Variants in EPHA4 observed in about 807,000 individuals in gnomAD.
EPHA4 encodes EPH receptor A4, also known as ephrin type-A receptor 4.
A neutral mutation model predicts 108.3 loss-of-function variants in EPHA4; 19 were observed. The ratio of observed to expected loss-of-function variants is 0.18; its 90% CI spans 0.12 to 0.26. The LOEUF (loss-of-function observed/expected upper bound fraction) is 0.26. EPHA4 is among the 10% of genes least tolerant of loss of function. The probability of loss-of-function intolerance (pLI) is 1.00; values close to 1 mark genes in which losing one functional copy is unlikely to be tolerated. For missense variants in EPHA4, 917 were observed against 1,254.0 expected (o/e 0.73, Z 4.06); for synonymous variants, 449 against 455.5 (o/e 0.99, Z 0.18).
At chr2:221,429,204 A>C (rs1689999752) in intron 15 of EPHA4, among the ~76,000 whole-genome samples, 1 of 152,194 alleles carries the variant, frequency 6.6e-6, no homozygotes, top group Non-Finnish European at 1.5e-5. Flanking sequence ...GAGACTACTG[A>C]TATGTAGGTA....
chr2:221,550,881 A>G (rs1694139848), intron 3 of EPHA4, among the ~76,000 whole-genome samples: 2 of 152,104 alleles, frequency 1.3e-5, no homozygotes, highest in South Asian at 4.1e-4. Context: ...CATAAATACA[A>G]AATACAACAA....
chr2:221,426,746 T>A, intron 15 of EPHA4, 127 bp from the exon 16 acceptor site: 1 of 829,986 alleles, frequency 1.2e-6, no homozygotes, highest in Non-Finnish European at 1.9e-6. Flanking sequence ...AATGGAACAA[T>A]TGTTGTTAAA....
At chr2:221,433,015 G>C (rs988828057) in intron 14 of EPHA4, among the ~76,000 whole-genome samples, 2 of 151,688 alleles carry the variant, frequency 1.3e-5, no homozygotes, top group Non-Finnish European at 2.9e-5. Flanking sequence ...TAGTAGAGAC[G>C]GGGTTTCACC....
In EPHA4 at chr2:221,464,875, CTTGA is replaced by C. The variant is rs533365933; in HGVS notation, c.1319-6889_1319-6886del. ...ACCGGCAAAAGGTACAGAAAAACAACTTGATTATTCTGAAATTGACATTGATTTT... is the reference window on the plus strand; with the variant it reads ...ACCGGCAAAAGGTACAGAAAAACAACTTATTCTGAAATTGACATTGATTTT... On this transcript the variant is annotated intron_variant, in intron 5 of 17. Coordinates refer to ENST00000281821, the MANE Select transcript of EPHA4 (RefSeq NM_004438.5). Among the ~76,000 whole-genome samples, 27 of 152,224 alleles carry C rather than the reference CTTGA, an allele frequency of 1.8e-4. 1 individual carries two copies. The East Asian group carries it at 5.2e-3, about 29-fold the overall frequency.
chr2:221,535,961 C>G (rs927168932), intron 3 of EPHA4, among the ~76,000 whole-genome samples: 1 of 152,174 alleles, frequency 6.6e-6, no homozygotes, highest in African/African-American at 2.4e-5. Flanking sequence ...ACCTACCTAC[C>G]CAGTCTCTTC....
In EPHA4 at chr2:221,419,942, C is replaced by T. The variant is rs954976021; in HGVS notation, c.*1430G>A. 2.0e-5 allele frequency: 3 copies of T among 152,692 alleles called. No homozygotes were observed. The highest frequency in any genetic ancestry group is 1.9e-4 in the East Asian group (1 of 5,196). 9.5% of individuals were successfully genotyped at this position (152,692 alleles called of 1,614,324 possible). A position where few individuals can be genotyped will look rare whatever the true frequency, so the allele number is the denominator to read the frequency against. ...ATGAGGCTACGCACATACACACACC[C>T]GCACACAGACAGGCACGCATACAGA... is the stretch of plus-strand genomic sequence containing the variant. On this transcript the variant is annotated 3_prime_UTR_variant, in exon 18 of 18. Transcript: ENST00000281821.
chr2:221,430,007 G>A lies in EPHA4; in HGVS notation c.2641C>T (p.Leu881Phe), dbSNP rs777306913. 2.5e-6 allele frequency: 4 copies of A among 1,613,970 alleles called. No homozygotes were observed. Among genetic ancestry groups the A allele is most frequent in the Non-Finnish European group, 3.4e-6 (4 of 1,179,964 alleles). Reference protein sequence around the residue: ...FGQIVNMLDKLIRNPNSLKRT... With the variant: ...FGQIVNMLDKFIRNPNSLKRT... Reference sequence around the variant, plus strand: ...TTCAAGCTGTTGGGGTTGCGGATGAGTTTGTCCAACATGTTGACAATCTGC... The same window carrying A: ...TTCAAGCTGTTGGGGTTGCGGATGAATTTGTCCAACATGTTGACAATCTGC... The change falls in exon 15 of 18, where the codon CTC becomes TTC. Residue 881 changes from leucine to phenylalanine, a missense_variant. Transcript: ENST00000281821.
chr2:221,450,980 G>A (rs1194366598), intron 8 of EPHA4, among the ~76,000 whole-genome samples: 1 of 152,162 alleles, frequency 6.6e-6, no homozygotes, highest in Admixed American at 6.5e-5. Flanking sequence ...CTGGGAGGCC[G>A]AGGTGGGCAG....
intron 5 of EPHA4, among the ~76,000 whole-genome samples, chr2:221,479,795 T>C (rs1473120745): frequency 6.6e-6 from 1 of 152,198 alleles, no homozygotes; most frequent in African/African-American, 2.4e-5. Flanking sequence ...CTCTACTAAG[T>C]GAAAGCTTTC....
At chr2:221,453,942 C>T (rs557410065) in intron 8 of EPHA4, among the ~76,000 whole-genome samples, 8 of 151,996 alleles carry the variant, frequency 5.3e-5, no homozygotes, top group South Asian at 4.2e-4. Flanking sequence ...TTTGGGAGGC[C>T]GAGGCAGGCG....
At chr2:221,494,451 A>G (rs1026987260) in intron 4 of EPHA4, among the ~76,000 whole-genome samples, 3 of 152,132 alleles carry the variant, frequency 2.0e-5, no homozygotes, top group Non-Finnish European at 4.4e-5. Flanking sequence ...TAAAAATACA[A>G]AAATATTAGC....
intron 5 of EPHA4, among the ~76,000 whole-genome samples, chr2:221,476,549 T>C (rs762417755): frequency 3.9e-4 from 60 of 152,222 alleles, no homozygotes; most frequent in Non-Finnish European, 5.4e-4. Context: ...ATTTGTAATT[T>C]TGTAGGGTTT....
At chr2:221,459,961 T>C (rs984022114) in intron 5 of EPHA4, among the ~76,000 whole-genome samples, 2 of 152,176 alleles carry the variant, frequency 1.3e-5, no homozygotes, top group Admixed American at 6.5e-5. Context: ...AGTGCACTGA[T>C]GAACTAAGAC....
intron 4 of EPHA4, among the ~76,000 whole-genome samples, chr2:221,494,709 C>T (rs1054847932): frequency 6.6e-6 from 1 of 152,130 alleles, no homozygotes; most frequent in Non-Finnish European, 1.5e-5. Flanking sequence ...ATTGAACAAG[C>T]AAGTACATGA....
In EPHA4 at chr2:221,566,929, A is replaced by AAG. The variant is rs1559297262; in HGVS notation, c.159+1787_159+1788dup. 1.6e-4 allele frequency among the ~76,000 whole-genome samples: 10 copies of AAG among 61,966 alleles called. 4 individuals are homozygous for AAG. Among genetic ancestry groups the AAG allele is most frequent in the African/African-American group, 9.1e-4 (10 of 10,962 alleles). 40.7% of individuals were successfully genotyped at this position (61,966 alleles called of 152,430 possible). A position where few individuals can be genotyped will look rare whatever the true frequency, so the allele number is the denominator to read the frequency against. On this transcript the variant is annotated intron_variant, in intron 2 of 17. Transcript: ENST00000281821. Reference sequence around the variant, plus strand: ...GAAGGAGAAGGAGAAGGAGAAGGAGAAGGAGAAGGAGAAGGAGAAGGAGAA... The same window carrying AAG: ...GAAGGAGAAGGAGAAGGAGAAGGAGAAGAGGAGAAGGAGAAGGAGAAGGAGAA...
intron 17 of EPHA4, among the ~76,000 whole-genome samples, chr2:221,423,503 A>C (rs890038320): frequency 6.6e-6 from 1 of 152,176 alleles, no homozygotes; most frequent in Non-Finnish European, 1.5e-5. Context: ...CCTTGACTCT[A>C]ATATATGCAT....
chr2:221,456,895 A>G, intron 6 of EPHA4, 123 bp from the exon 7 acceptor site: 1 of 994,668 alleles, frequency 1.0e-6, no homozygotes, highest in Non-Finnish European at 1.5e-6. Context: ...GGAGATGAAT[A>G]AACTCTCTGG....
chr2:221,537,518 G>A (rs2106187988), intron 3 of EPHA4, among the ~76,000 whole-genome samples: 1 of 152,332 alleles, frequency 6.6e-6, no homozygotes, highest in East Asian at 1.9e-4. Flanking sequence ...CTGGCACAGT[G>A]GCTCACATCT....
At chr2:221,448,953 A>C (rs936394313) in intron 8 of EPHA4, among the ~76,000 whole-genome samples, 1 of 152,218 alleles carries the variant, frequency 6.6e-6, no homozygotes, top group African/African-American at 2.4e-5. Flanking sequence ...AAGCCAGAGG[A>C]AATACAAAAT....
Sources: gnomAD v4.1 joint callset for allele counts (sites outside exome capture counted in the v4.1 genomes callset) on GRCh38, gnomAD v4.1.1 for gene constraint, MANE v1.5 for transcripts, NCBI Gene and HGNC (gene_info 2026-07-23, HGNC 2026-07-21) for gene names.